The following PLCZ1 variants were observed in gnomAD, a reference collection of about 807,000 sequenced individuals.
PLCZ1 encodes the protein phospholipase C zeta 1.
PLCZ1 carries 64 observed loss-of-function variants against 76.8 expected under a neutral mutation model. The observed-to-expected ratio is 0.83, with a 90% CI of 0.68 to 1.03. The LOEUF is 1.03. PLCZ1 is among the 50% of genes least tolerant of loss of function. The pLI, the probability that PLCZ1 is intolerant of heterozygous loss-of-function variation, is 0.00. For synonymous variants in PLCZ1, 248 were observed against 230.8 expected, an observed-to-expected ratio of 1.07 and a Z score of -0.68; for missense variants, 751 against 713.7, an observed-to-expected ratio of 1.05 and a Z score of -0.60.
the PLCZ1 span, among the ~76,000 whole-genome samples, chr12:18,674,407 C>T: frequency 1.3e-5 from 2 of 151,952 alleles, no homozygotes; most frequent in East Asian, 1.9e-4. Flanking sequence ...ACAGTGGAAG[C>T]GTGTTGGTTT....
the PLCZ1 span, among the ~76,000 whole-genome samples, chr12:18,675,891 T>G: frequency 2.0e-5 from 3 of 151,950 alleles, no homozygotes; most frequent in African/African-American, 7.3e-5. Context: ...GGGGTGAGGT[T>G]TGAGATTTTA....
At chr12:18,712,482 G>A (rs573294666) in intron 6 of PLCZ1, among the ~76,000 whole-genome samples, 6 of 151,938 alleles carry the variant, frequency 3.9e-5, no homozygotes, top group Non-Finnish European at 7.4e-5. Context: ...ATTTTATTTT[G>A]TCTTGAAAGT....
intron 13 of PLCZ1, among the ~76,000 whole-genome samples, chr12:18,686,513 T>C (rs1277708252): frequency 2.0e-5 from 3 of 151,402 alleles, no homozygotes; most frequent in Non-Finnish European, 4.4e-5. Context: ...TTAGGACTTG[T>C]GTTCTGTCTC....
At chr12:18,719,750 T>TG in intron 4 of PLCZ1, 118 bp from the exon 5 acceptor site, 1 of 630,494 alleles carries the variant, frequency 1.6e-6, no homozygotes, top group Non-Finnish European at 2.5e-6. Flanking sequence ...AATATTCCTT[T>TG]AGAATTAATA....
At chr12:18,651,533 A>T in the PLCZ1 span, among the ~76,000 whole-genome samples, 1 of 152,184 alleles carries the variant, frequency 6.6e-6, no homozygotes, top group African/African-American at 2.4e-5. Context: ...AGAGACTTAG[A>T]TCCAGGCAAG....
At chr12:18,701,122 C>A (rs1218723558) in intron 9 of PLCZ1, among the ~76,000 whole-genome samples, 1 of 151,862 alleles carries the variant, frequency 6.6e-6, no homozygotes, top group Non-Finnish European at 1.5e-5. Flanking sequence ...GTAGTTGGAA[C>A]TACAGGCATG....
chr12:18,690,287 G>A (rs764122496), intron 12 of PLCZ1, among the ~76,000 whole-genome samples: 9 of 152,132 alleles, frequency 5.9e-5, no homozygotes, highest in Non-Finnish European at 8.8e-5. Flanking sequence ...GCAACGGTGC[G>A]ACCTCGGCTC....
intron 12 of PLCZ1, 87 bp downstream of exon 12, chr12:18,694,823 G>A (rs1954715941): frequency 9.4e-7 from 1 of 1,064,812 alleles, no homozygotes; most frequent in Non-Finnish European, 1.3e-6. Context: ...AGAAATTGAA[G>A]CAAATCAGTG....
At chr12:18,664,048 A>G in the PLCZ1 span, among the ~76,000 whole-genome samples, 39 of 152,302 alleles carry the variant, frequency 2.6e-4, no homozygotes, top group African/African-American at 9.4e-4. Flanking sequence ...ACAATGATAT[A>G]ACACTCACAC....
chr12:18,665,209 T>C, the PLCZ1 span, among the ~76,000 whole-genome samples: 20 of 151,772 alleles, frequency 1.3e-4, no homozygotes, highest in Admixed American at 1.2e-3. Flanking sequence ...AGAATGGTGG[T>C]TGCCAGGGAC....
intron 12 of PLCZ1, among the ~76,000 whole-genome samples, chr12:18,694,571 T>C (rs2137162137): frequency 6.6e-6 from 1 of 152,224 alleles, no homozygotes. Context: ...CGAGAAAAAG[T>C]AACATGCCCA....
At position 18,719,491 on chromosome 12, in the gene PLCZ1, T is replaced by C. The variant is rs572061421; in HGVS notation, c.509A>G (p.His170Arg). ...PLNDYFISSS[H>R]NTYLVSDQLL... is the part of the protein sequence containing the mutation. ...TTGATCAGATACCAAATATGTGTTATGTGAAGATGAAATAAAATAATCATT... is the reference window on the plus strand; with the variant it reads ...TTGATCAGATACCAAATATGTGTTACGTGAAGATGAAATAAAATAATCATT... Residue 170 changes from histidine to arginine, a missense_variant, in exon 5 of 15, where the codon CAT (histidine) becomes CGT (arginine). Transcript: ENST00000266505. The C allele has an allele frequency of 1.9e-6, 3 of 1,588,972 alleles. No individual in the cohort carries two copies. The South Asian group carries it at 3.5e-5, about 18-fold the overall frequency.
chr12:18,650,724 A>ATC, the PLCZ1 span, among the ~76,000 whole-genome samples: 14 of 19,260 alleles, frequency 7.3e-4, no homozygotes, highest in East Asian at 2.1e-3. Context: ...ATATATATAT[A>ATC]TATATATATA....
intron 2 of PLCZ1, 103 bp downstream of exon 2, chr12:18,737,258 G>T (rs911976191): frequency 4.0e-6 from 5 of 1,254,038 alleles, no homozygotes; most frequent in Admixed American, 1.7e-5. Context: ...CTTAAATGAA[G>T]AGGACTTAAA....
intron 5 of PLCZ1, among the ~76,000 whole-genome samples, chr12:18,714,202 G>A (rs528345118): frequency 6.6e-5 from 10 of 152,234 alleles, no homozygotes; most frequent in African/African-American, 1.4e-4. Context: ...TAGTTATAGC[G>A]TTAAGATAAT....
At chr12:18,692,827 A>G in intron 12 of PLCZ1, 2 of 1,570,450 alleles carry the variant, frequency 1.3e-6, no homozygotes, top group South Asian at 2.2e-5. Flanking sequence ...AAGCTCTAAC[A>G]ACTCAAGGAC....
At chr12:18,712,102 T>A (rs925320392) in intron 6 of PLCZ1, among the ~76,000 whole-genome samples, 5 of 152,166 alleles carry the variant, frequency 3.3e-5, no homozygotes, top group Non-Finnish European at 7.4e-5. Context: ...ACAGTTTTAG[T>A]ACGTAGTAAG....
downstream of PLCZ1, among the ~76,000 whole-genome samples, chr12:18,682,782 C>G (rs1016928092): frequency 6.6e-6 from 1 of 152,002 alleles, no homozygotes; most frequent in African/African-American, 2.4e-5. Flanking sequence ...GCTAATTACT[C>G]TCCAGGATAT....
chr12:18,728,713 G>T (rs1467992008), intron 3 of PLCZ1, among the ~76,000 whole-genome samples: 1 of 152,220 alleles, frequency 6.6e-6, no homozygotes, highest in Non-Finnish European at 1.5e-5. Context: ...GACCTAAAAA[G>T]ATTTTCGAGA....
Sources: allele counts gnomAD v4.1 joint callset (sites outside exome capture counted in the v4.1 genomes callset), GRCh38; gene constraint gnomAD v4.1.1; transcripts MANE v1.5; gene names NCBI Gene and HGNC (gene_info 2026-07-23, HGNC 2026-07-21).